Variants in IPO11 observed in about 807,000 individuals in gnomAD.
IPO11 encodes importin 11.
IPO11 carries 66 observed loss-of-function variants against 143.2 expected under a neutral mutation model. The observed-to-expected ratio is 0.46, with a 90% CI of 0.38 to 0.57. The LOEUF (loss-of-function observed/expected upper bound fraction) is 0.57, where lower values mean the gene tolerates loss of function less well. IPO11 is among the 20% of genes least tolerant of loss of function. The probability of loss-of-function intolerance (pLI) is 0.00; values close to 1 mark genes in which losing one functional copy is unlikely to be tolerated. For synonymous variants in IPO11, 385 were observed against 377.8 expected (o/e 1.02, Z -0.22); for missense variants, 1,026 against 1,141.0 (o/e 0.90, Z 1.45).
intron 27 of IPO11, among the ~76,000 whole-genome samples, chr5:62,568,109 GT>G (rs1180875449): frequency 6.6e-6 from 1 of 151,616 alleles, no homozygotes; most frequent in Non-Finnish European, 1.5e-5. Flanking sequence ...GGGACTACAG[GT>G]GCATACCACC....
At chr5:62,542,204 G>GT (rs1742978120) in intron 24 of IPO11, among the ~76,000 whole-genome samples, 1 of 151,952 alleles carries the variant, frequency 6.6e-6, no homozygotes, top group South Asian at 2.1e-4. Flanking sequence ...GATAGTATGT[G>GT]TTTAAGATGG....
chr5:62,624,024 C>T (rs1049426924), intron 29 of IPO11, among the ~76,000 whole-genome samples: 1 of 151,356 alleles, frequency 6.6e-6, no homozygotes, highest in African/African-American at 2.4e-5. Context: ...GTTCCTCCCC[C>T]CACCGTTTTT....
At chr5:62,416,706 T>G (rs1349913280) in intron 1 of IPO11, among the ~76,000 whole-genome samples, 5 of 145,472 alleles carry the variant, frequency 3.4e-5, no homozygotes, top group Non-Finnish European at 6.1e-5. Flanking sequence ...TACCCAAGTC[T>G]CTTATTATCT....
At chr5:62,509,277 C>T (rs1354960517) in intron 19 of IPO11, among the ~76,000 whole-genome samples, 2 of 152,110 alleles carry the variant, frequency 1.3e-5, no homozygotes, top group African/African-American at 2.4e-5. Flanking sequence ...ATATAAAATA[C>T]TCTGTTGAAA....
At chr5:62,574,901 A>G (rs1043504413) in intron 27 of IPO11, among the ~76,000 whole-genome samples, 5 of 152,224 alleles carry the variant, frequency 3.3e-5, no homozygotes, top group Non-Finnish European at 7.3e-5. Flanking sequence ...TTAAAGCCGC[A>G]TAGTCACAGG....
At chr5:62,447,909 T>A (rs1744776692) in intron 3 of IPO11, among the ~76,000 whole-genome samples, 1 of 152,032 alleles carries the variant, frequency 6.6e-6, no homozygotes, top group South Asian at 2.1e-4. Context: ...GAGACAGGGT[T>A]TTGCCATGTT....
At chr5:62,488,915 A>T (rs1007671668) in intron 13 of IPO11, among the ~76,000 whole-genome samples, 1 of 152,156 alleles carries the variant, frequency 6.6e-6, no homozygotes, top group Non-Finnish European at 1.5e-5. Flanking sequence ...AGGTTGGAGG[A>T]TCATTTGAGC....
intron 29 of IPO11, among the ~76,000 whole-genome samples, chr5:62,612,233 G>C (rs1561387073): frequency 6.6e-6 from 1 of 152,132 alleles, no homozygotes; most frequent in Non-Finnish European, 1.5e-5. Flanking sequence ...GTGAGTACAT[G>C]TTAAAAAAAT....
intron 20 of IPO11, among the ~76,000 whole-genome samples, chr5:62,518,725 GT>G (rs200096996): frequency 6.6e-6 from 1 of 152,080 alleles, no homozygotes; most frequent in South Asian, 2.1e-4. Context: ...GTTTTTGTTT[GT>G]TTTTTTAATC....
intron 27 of IPO11, among the ~76,000 whole-genome samples, chr5:62,564,993 C>G (rs1338036700): frequency 6.6e-6 from 1 of 152,114 alleles, no homozygotes; most frequent in East Asian, 1.9e-4. Flanking sequence ...AGGTTGTTGT[C>G]AGGATTAAGA....
At chr5:62,525,536 A>G (rs1169751094) in intron 20 of IPO11, among the ~76,000 whole-genome samples, 4 of 152,096 alleles carry the variant, frequency 2.6e-5, no homozygotes, top group African/African-American at 9.7e-5. Context: ...AGCAGGCACC[A>G]CCATGCTTGG....
chr5:62,464,753 A>G (rs166005), intron 5 of IPO11, among the ~76,000 whole-genome samples: 88,762 of 152,022 alleles, frequency 0.58, 26,192 homozygotes, highest in South Asian at 0.68. Flanking sequence ...CATTACAGGC[A>G]TGAGCCATCG....
intron 29 of IPO11, among the ~76,000 whole-genome samples, chr5:62,614,448 T>G (rs1378335222): frequency 1.3e-5 from 2 of 152,238 alleles, no homozygotes; most frequent in Non-Finnish European, 2.9e-5. Context: ...GAAGTGCTGC[T>G]GGCAGTAATG....
intron 29 of IPO11, among the ~76,000 whole-genome samples, chr5:62,622,099 A>C (rs1006215689): frequency 6.6e-6 from 1 of 151,638 alleles, no homozygotes; most frequent in African/African-American, 2.4e-5. Context: ...ATATTCTTTT[A>C]TTTTAATGCA....
intron 19 of IPO11, among the ~76,000 whole-genome samples, chr5:62,513,934 C>T (rs1486655536): frequency 4.7e-5 from 7 of 149,554 alleles, no homozygotes; most frequent in African/African-American, 1.2e-4. Flanking sequence ...CGGGCCGAGG[C>T]GCTCCTCACA....
rs1196082660 is a variant in IPO11, at chr5:62,449,924, C to T, written c.240-3C>T. Reference sequence around the variant, plus strand: ...CATAATCAATACTTTTTTTTTTTTACAGTGCTCTCTCAGAGGAGGAGAAAA... The same window carrying T: ...CATAATCAATACTTTTTTTTTTTTATAGTGCTCTCTCAGAGGAGGAGAAAA... On this transcript the variant is annotated splice_region_variant and splice_polypyrimidine_tract_variant and intron_variant, in intron 3 of 29. Coordinates refer to ENST00000325324, the MANE Select transcript of IPO11 (RefSeq NM_016338.5). 14 of 1,527,044 alleles carry T rather than the reference C, an allele frequency of 9.2e-6. No homozygotes were observed. Among genetic ancestry groups the T allele is most frequent in the Non-Finnish European group, 1.1e-5 (13 of 1,134,814 alleles). 94.6% of individuals were successfully genotyped at this position (1,527,044 alleles called of 1,614,324 possible).
chr5:62,584,762 T>A (rs1744708932), intron 27 of IPO11, among the ~76,000 whole-genome samples: 1 of 151,530 alleles, frequency 6.6e-6, no homozygotes, highest in Non-Finnish European at 1.5e-5. Context: ...TTTTTTTTTT[T>A]AAGTGCCCAC....
intron 19 of IPO11, among the ~76,000 whole-genome samples, chr5:62,507,847 C>T (rs1741604913): frequency 6.6e-6 from 1 of 152,158 alleles, no homozygotes; most frequent in African/African-American, 2.4e-5. Flanking sequence ...TCTGTCTACA[C>T]TCATCTTTCG....
intron 5 of IPO11, among the ~76,000 whole-genome samples, chr5:62,461,056 G>A (rs1281523715): frequency 6.6e-6 from 1 of 152,086 alleles, no homozygotes; most frequent in East Asian, 1.9e-4. Flanking sequence ...GTAAAGGGCT[G>A]AAAGGTGTTA....
Sources: gnomAD v4.1 joint callset for allele counts (sites outside exome capture counted in the v4.1 genomes callset) on GRCh38, gnomAD v4.1.1 for gene constraint, MANE v1.5 for transcripts, NCBI Gene and HGNC (gene_info 2026-07-23, HGNC 2026-07-21) for gene names.